Variants in SUPT3H observed in about 807,000 individuals in gnomAD.
SUPT3H encodes SPT3 homolog, SAGA and STAGA complex component, also known as transcription initiation protein SPT3 homolog.
Under a neutral mutation model 44.3 loss-of-function variants are expected in SUPT3H, and 44 were observed. The ratio of observed to expected loss-of-function variants is 0.99; its 90% CI spans 0.78 to 1.28. The LOEUF is 1.28. SUPT3H is among the 50% of genes most tolerant of loss of function. The pLI, the probability that SUPT3H is intolerant of heterozygous loss-of-function variation, is 0.00. For synonymous variants in SUPT3H, 124 were observed against 125.6 expected (o/e 0.99, Z 0.09); for missense variants, 380 against 387.1 (o/e 0.98, Z 0.15).
chr6:45,140,186 C>A (rs577350864), intron 2 of SUPT3H, among the ~76,000 whole-genome samples: 1 of 152,194 alleles, frequency 6.6e-6, no homozygotes, highest in Admixed American at 6.5e-5. Context: ...CAAACCACCC[C>A]CTCCCCATCC....
At chr6:45,341,264 T>C (rs1249419383) in intron 2 of SUPT3H, among the ~76,000 whole-genome samples, 2 of 152,164 alleles carry the variant, frequency 1.3e-5, no homozygotes, top group East Asian at 3.8e-4. Context: ...GTCTATATGG[T>C]TTTGAGAAAA....
intron 2 of SUPT3H, among the ~76,000 whole-genome samples, chr6:45,171,713 CTTTTTT>C (rs777154020): frequency 1.7e-3 from 156 of 93,480 alleles, no homozygotes; most frequent in Middle Eastern, 0.012. Context: ...ATTCCACTTG[CTTTTTT>C]TTTTTTTTTT....
intron 2 of SUPT3H, among the ~76,000 whole-genome samples, chr6:45,154,054 A>G (rs1807388906): frequency 9.4e-6 from 1 of 106,768 alleles, no homozygotes; most frequent in African/African-American, 3.5e-5. Context: ...TGGGCAACAG[A>G]GCAAGACTCT....
intron 10 of SUPT3H, among the ~76,000 whole-genome samples, chr6:44,889,637 T>C: frequency 6.6e-6 from 1 of 152,228 alleles, no homozygotes; most frequent in East Asian, 1.9e-4. Flanking sequence ...ACTTAAACGT[T>C]AGACCTAAAA....
At position 45,347,766 on chromosome 6, in the gene SUPT3H, T is replaced by A. The variant is rs189684034; in HGVS notation, c.101+17435A>T. On this transcript the variant is annotated intron_variant, in intron 2 of 10. Coordinates refer to ENST00000371459, the MANE Select transcript of SUPT3H (RefSeq NM_003599.4). ...AAAAGAACTTCACAATTCTTTTTTT[T>A]AAAAAAAAAAGACGTATATTTCATT... Among the ~76,000 whole-genome samples, 288 of 148,748 alleles carry A rather than the reference T, an allele frequency of 1.9e-3. 1 individual carries two copies. Among genetic ancestry groups the A allele is most frequent in the African/African-American group, 4.4e-3 (179 of 40,344 alleles).
At chr6:44,852,144 G>A (rs1305252504) in intron 10 of SUPT3H, among the ~76,000 whole-genome samples, 2 of 152,164 alleles carry the variant, frequency 1.3e-5, no homozygotes, top group East Asian at 3.8e-4. Context: ...TTCTAGTGAG[G>A]AGGGAAGAGG....
chr6:45,246,738 G>T (rs1349789974), intron 2 of SUPT3H, among the ~76,000 whole-genome samples: 1 of 152,046 alleles, frequency 6.6e-6, no homozygotes, highest in Non-Finnish European at 1.5e-5. Context: ...AGCAATTCAC[G>T]GGTCAAGGCA....
intron 3 of SUPT3H, among the ~76,000 whole-genome samples, chr6:45,032,764 G>A (rs1787136303): frequency 6.6e-6 from 1 of 152,124 alleles, no homozygotes; most frequent in African/African-American, 2.4e-5. Flanking sequence ...CCTTTCCATT[G>A]TACTGCCCAG....
Position 45,198,240 on chromosome 6 carries a change from T to C in SUPT3H, c.102-92234A>G, listed in dbSNP as rs76159706. 2.6e-3 allele frequency among the ~76,000 whole-genome samples: 388 copies of C among 151,448 alleles called. 2 individuals carry two copies. Among genetic ancestry groups the C allele is most frequent in the African/African-American group, 8.5e-3 (354 of 41,508 alleles). On this transcript the variant is annotated intron_variant, in intron 2 of 10. Coordinates refer to ENST00000371459, the MANE Select transcript of SUPT3H (RefSeq NM_003599.4). ...AAAATAGGAATACATATTCTAGTGA[T>C]GCAGTTTTCTGATTTGAAACAGGAT... is the stretch of plus-strand genomic sequence containing the variant.
chr6:45,238,444 G>A (rs1385109747), intron 2 of SUPT3H, among the ~76,000 whole-genome samples: 2 of 152,210 alleles, frequency 1.3e-5, no homozygotes, highest in African/African-American at 2.4e-5. Context: ...CCCATGCCAT[G>A]AGTAATCTAT....
chr6:45,364,480 A>G (rs1794795198), intron 2 of SUPT3H, among the ~76,000 whole-genome samples: 1 of 152,212 alleles, frequency 6.6e-6, no homozygotes, highest in Non-Finnish European at 1.5e-5. Context: ...GAAGAGCACT[A>G]TAATATCTTG....
At chr6:44,850,576 C>A (rs904719773) in intron 10 of SUPT3H, among the ~76,000 whole-genome samples, 1 of 151,974 alleles carries the variant, frequency 6.6e-6, no homozygotes, top group African/African-American at 2.4e-5. Context: ...ATAAAATGAT[C>A]CACTCACTCC....
intron 10 of SUPT3H, among the ~76,000 whole-genome samples, chr6:44,916,236 C>A (rs1401081174): frequency 6.6e-6 from 1 of 152,188 alleles, no homozygotes; most frequent in African/African-American, 2.4e-5. Context: ...ATCATTAAAG[C>A]CAATTCACAA....
At chr6:45,264,081 T>C (rs1774851646) in intron 2 of SUPT3H, among the ~76,000 whole-genome samples, 2 of 152,166 alleles carry the variant, frequency 1.3e-5, no homozygotes, top group African/African-American at 4.8e-5. Context: ...AAGTCAAACA[T>C]TGTGGTGGTA....
intron 10 of SUPT3H, among the ~76,000 whole-genome samples, chr6:44,880,657 A>C (rs1778075162): frequency 6.6e-6 from 1 of 152,210 alleles, no homozygotes; most frequent in Non-Finnish European, 1.5e-5. Context: ...TGAAGTAAAA[A>C]ATATTAAGGG....
rs1184401954 is a variant in SUPT3H, at chr6:44,920,108, GA to G, written c.912+12544del. On this transcript the variant is annotated intron_variant, in intron 10 of 10. Coordinates refer to ENST00000371459, the MANE Select transcript of SUPT3H (RefSeq NM_003599.4). ...TTAGCCAGGATGGTCTCCATCTCCT[GA>G]CCTCGTTATCCACCCACCTCGGCCT... Among the ~76,000 whole-genome samples, 15 of 152,190 alleles carry G rather than the reference GA, an allele frequency of 9.9e-5. No individual in the cohort carries two copies. The South Asian group carries it at 2.7e-3, about 27-fold the overall frequency.
At chr6:44,891,508 T>C (rs1215770443) in intron 10 of SUPT3H, among the ~76,000 whole-genome samples, 1 of 152,138 alleles carries the variant, frequency 6.6e-6, no homozygotes, top group Non-Finnish European at 1.5e-5. Flanking sequence ...AGAGACCACA[T>C]ATCATATAAT....
intron 2 of SUPT3H, among the ~76,000 whole-genome samples, chr6:45,347,761 T>C (rs552703013): frequency 6.6e-6 from 1 of 151,818 alleles, no homozygotes; most frequent in East Asian, 1.9e-4. Context: ...CACAATTCTT[T>C]TTTTTAAAAA....
chr6:44,952,284 C>T (rs565010621), intron 9 of SUPT3H, among the ~76,000 whole-genome samples: 1 of 152,252 alleles, frequency 6.6e-6, no homozygotes, highest in African/African-American at 2.4e-5. Context: ...CAGAATGTCT[C>T]TGAACAATCT....
Sources: gnomAD v4.1 joint callset for allele counts (sites outside exome capture counted in the v4.1 genomes callset) on GRCh38, gnomAD v4.1.1 for gene constraint, MANE v1.5 for transcripts, NCBI Gene and HGNC (gene_info 2026-07-23, HGNC 2026-07-21) for gene names.